The following WDR19 variants were observed in gnomAD, a reference collection of about 807,000 sequenced individuals.
The protein encoded by WDR19 is WD repeat-containing protein 19.
A neutral mutation model predicts 180.0 loss-of-function variants in WDR19; 121 were observed. The ratio of observed to expected loss-of-function variants is 0.67; its 90% CI spans 0.58 to 0.78. The LOEUF (loss-of-function observed/expected upper bound fraction) is 0.78. Ranked by LOEUF, WDR19 falls within the 30% of genes least tolerant of loss-of-function variation. The pLI is 0.00. For synonymous variants in WDR19, 497 were observed against 540.7 expected (o/e 0.92, Z 1.12); for missense variants, 1,450 against 1,640.7 (o/e 0.88, Z 2.01).
At chr4:39,246,379 T>C (rs1409051824) in intron 24 of WDR19, among the ~76,000 whole-genome samples, 1 of 152,016 alleles carries the variant, frequency 6.6e-6, no homozygotes, top group African/African-American at 2.4e-5. Flanking sequence ...GGGGTGGAGC[T>C]AAGATGGCCG....
chr4:39,277,253 A>C, intron 34 of WDR19, 110 bp downstream of exon 34: 1 of 1,243,442 alleles, frequency 8.0e-7, no homozygotes, highest in Non-Finnish European at 1.1e-6. Context: ...CTTATCCCTC[A>C]AATTTCCTGC....
chr4:39,262,282 G>T (rs1051771061), intron 28 of WDR19, among the ~76,000 whole-genome samples: 5 of 152,036 alleles, frequency 3.3e-5, no homozygotes, highest in African/African-American at 7.2e-5. Context: ...TTGAGACAGG[G>T]TCTCTCTCTG....
chr4:39,278,344 A>T, intron 35 of WDR19, 137 bp downstream of exon 35: 1 of 884,694 alleles, frequency 1.1e-6, no homozygotes, highest in African/African-American at 1.7e-5. Flanking sequence ...TCTGGGAAGA[A>T]CCTCCTGTGA....
At chr4:39,240,704 C>T (rs563108595) in intron 21 of WDR19, among the ~76,000 whole-genome samples, 69 of 152,118 alleles carry the variant, frequency 4.5e-4, no homozygotes, top group African/African-American at 1.6e-3. Context: ...GTAATCCTAG[C>T]ACTTTGGGAG....
Position 39,195,979 on chromosome 4 carries a change from A to G in WDR19, c.406+1320A>G, listed in dbSNP as rs189272556. Among the ~76,000 whole-genome samples the G allele has an allele frequency of 4.6e-5, 7 of 152,300 alleles. No homozygotes were observed. In the East Asian group the frequency reaches 1.3e-3, roughly 29 times the overall value. On this transcript the variant is annotated intron_variant, in intron 5 of 36. Coordinates refer to ENST00000399820, the MANE Select transcript of WDR19 (RefSeq NM_025132.4). ...TATTATTGGTGTTAAGACTAACTTG[A>G]TTTCTGAGCACTGGAAGCAAAAGGG...
chr4:39,221,828 C>T (rs141651234), intron 14 of WDR19, among the ~76,000 whole-genome samples: 3,978 of 152,180 alleles, frequency 0.026, 76 homozygotes, highest in Non-Finnish European at 0.036. Context: ...ATGCATTATG[C>T]TGTTGTGTGT....
Position 39,203,700 on chromosome 4 carries a change from G to T in WDR19, c.581G>T (p.Arg194Leu), listed in dbSNP as rs943893096. The change falls in exon 7 of 37, where the codon CGA (arginine) becomes CTA (leucine). Residue 194 changes from arginine (R) to leucine (L), a missense_variant. Arg to Leu is a moderately radical substitution (Grantham distance 102). Transcript: ENST00000399820. The part of the protein sequence containing the change: ...MQFFLMKMDD[R>L]TSAAESMISV... ...TTTTTCTTGATGAAGATGGATGACC[G>T]AACCTCTGCTGCTGAAAGCATGGTA... The T allele has an allele frequency of 6.2e-7, 1 of 1,612,152 alleles. No individual in the cohort carries two copies. Among genetic ancestry groups the T allele is most frequent in the African/African-American group, 1.3e-5 (1 of 74,912 alleles).
intron 34 of WDR19, among the ~76,000 whole-genome samples, chr4:39,277,892 TAAAACAC>T (rs1273369662): frequency 6.6e-6 from 1 of 151,954 alleles, no homozygotes; most frequent in African/African-American, 2.4e-5. Context: ...TGTCTCTACT[TAAAACAC>T]AAAAATTAGC....
At chr4:39,231,705 TG>T in intron 17 of WDR19, 91 bp from the exon 18 acceptor site, 1 of 1,173,840 alleles carries the variant, frequency 8.5e-7, no homozygotes, top group Non-Finnish European at 1.1e-6. Flanking sequence ...ACAGTTTATC[TG>T]GGGCACGCTA....
chr4:39,224,687 C>T (rs753342906), intron 14 of WDR19, among the ~76,000 whole-genome samples, 197 bp from the exon 15 acceptor site: 23 of 152,154 alleles, frequency 1.5e-4, no homozygotes, highest in Non-Finnish European at 2.1e-4. Context: ...AGAGCCACTG[C>T]GCCCAGCTTT....
At chr4:39,207,183 A>C (rs1211298291) in intron 9 of WDR19, among the ~76,000 whole-genome samples, 1 of 152,242 alleles carries the variant, frequency 6.6e-6, no homozygotes, top group African/African-American at 2.4e-5. Context: ...TAGAACTATA[A>C]AATGCAATAA....
intron 9 of WDR19, among the ~76,000 whole-genome samples, chr4:39,213,389 A>G (rs958805072): frequency 1.3e-5 from 2 of 152,254 alleles, no homozygotes; most frequent in Admixed American, 1.3e-4. Context: ...CTACTCAACA[A>G]TAAAAAGGAA....
chr4:39,245,493 G>A (rs745794034), intron 24 of WDR19, 41 bp downstream of exon 24: 1 of 1,577,332 alleles, frequency 6.3e-7, no homozygotes, highest in South Asian at 1.1e-5. Flanking sequence ...TTAAAGTAAT[G>A]TAAGCTTTAC....
At chr4:39,184,665 G>A (rs1235867976) in intron 1 of WDR19, among the ~76,000 whole-genome samples, 4 of 151,912 alleles carry the variant, frequency 2.6e-5, no homozygotes, top group African/African-American at 9.7e-5. Flanking sequence ...ACGAGGTTTC[G>A]CCATGTTGGC....
chr4:39,236,931 G>A (rs1731445634), intron 20 of WDR19, among the ~76,000 whole-genome samples: 1 of 152,088 alleles, frequency 6.6e-6, no homozygotes, highest in African/African-American at 2.4e-5. Context: ...GAGGCATTTA[G>A]GATCCAGTTT....
intron 9 of WDR19, among the ~76,000 whole-genome samples, chr4:39,211,054 T>C (rs1449367483): frequency 2.0e-5 from 3 of 151,896 alleles, no homozygotes; most frequent in African/African-American, 7.2e-5. Context: ...TGCAGTGAGC[T>C]GTGGTCATTT....
intron 26 of WDR19, among the ~76,000 whole-genome samples, chr4:39,255,028 A>G (rs56284364): frequency 0.34 from 51,582 of 152,078 alleles, 8,915 homozygotes; most frequent in African/African-American, 0.39. Flanking sequence ...GGCTTCCCAA[A>G]TGACTTCTTG....
At chr4:39,244,692 C>A in intron 23 of WDR19, 140 bp downstream of exon 23, 1 of 812,762 alleles carries the variant, frequency 1.2e-6, no homozygotes, top group Non-Finnish European at 1.9e-6. Flanking sequence ...CTCTTTTGTT[C>A]TCCTTAGATA....
rs1293022423 is a variant in WDR19, at chr4:39,253,977, C to T, written c.2948C>T (p.Ala983Val). 1.6e-5 allele frequency: 25 copies of T among 1,612,650 alleles called. No homozygotes were observed. The highest frequency in any genetic ancestry group is 2.0e-5 in the Non-Finnish European group (23 of 1,179,050). ...GTCATGTCCAAATGCAACAATGAAG[C>T]TTTCACACTGGCTCAGCAACACAAC... is the stretch of plus-strand genomic sequence containing the variant. ...FLVMSKCNNE[A>V]FTLAQQHNKM... The change falls in exon 26 of 37, where the codon GCT becomes GTT. Residue 983 changes from alanine to valine, a missense_variant. Physicochemically the swap from Ala to Val is moderately conservative, Grantham distance 64. Coordinates refer to ENST00000399820, the MANE Select transcript of WDR19 (RefSeq NM_025132.4).
Sources: allele counts gnomAD v4.1 joint callset (sites outside exome capture counted in the v4.1 genomes callset), GRCh38; gene constraint gnomAD v4.1.1; transcripts MANE v1.5; gene names NCBI Gene and HGNC (gene_info 2026-07-23, HGNC 2026-07-21).